Variants in KLHL1 observed in about 807,000 individuals in gnomAD.
KLHL1 encodes kelch-like protein 1.
Under a neutral mutation model 77.7 loss-of-function variants are expected in KLHL1, and 47 were observed. The observed-to-expected ratio is 0.60, with a 90% CI of 0.48 to 0.77. The LOEUF (loss-of-function observed/expected upper bound fraction) is 0.77, where lower values mean the gene tolerates loss of function less well. KLHL1 is among the 30% of genes least tolerant of loss of function. The pLI is 0.00. For synonymous variants in KLHL1, 360 were observed against 325.2 expected (o/e 1.11, Z -1.15); for missense variants, 925 against 910.8 (o/e 1.02, Z -0.20).
rs1888087592 is a variant in KLHL1 at position 70,107,291 on chromosome 13, C to T, written c.409G>A (p.Gly137Arg). The T allele has an allele frequency of 1.9e-6, 3 of 1,614,040 alleles. No individual in the cohort carries two copies. The highest frequency in any genetic ancestry group is 2.5e-6 in the Non-Finnish European group (3 of 1,179,992). ...EEVVPGMDFP[G>R]PHEKGLVLQE... is the part of the protein sequence containing the mutation. ...AGAACCAGCCCTTTTTCGTGTGGTCCAGGAAAGTCCATGCCTGGCACCACC... is the reference window on the plus strand; with the variant it reads ...AGAACCAGCCCTTTTTCGTGTGGTCTAGGAAAGTCCATGCCTGGCACCACC... The change falls in exon 1 of 11, where the codon GGA (glycine) becomes AGA (arginine). Residue 137 changes from glycine (G) to arginine (R), a missense_variant. Physicochemically the swap from Gly to Arg is moderately radical, Grantham distance 125. Coordinates refer to ENST00000377844, the MANE Select transcript of KLHL1 (RefSeq NM_020866.3).
intron 1 of KLHL1, among the ~76,000 whole-genome samples, chr13:69,976,476 A>G (rs1884547977): frequency 6.6e-6 from 1 of 152,060 alleles, no homozygotes; most frequent in East Asian, 1.9e-4. Flanking sequence ...TATTAATAAT[A>G]TAGACTGTTT....
intron 1 of KLHL1, among the ~76,000 whole-genome samples, chr13:70,075,802 G>C (rs1330397924): frequency 6.8e-6 from 1 of 146,078 alleles, no homozygotes; most frequent in African/African-American, 2.5e-5. Context: ...TATGTTGCAG[G>C]ATATGATTTT....
chr13:69,887,923 G>T (rs1340393810), intron 4 of KLHL1, among the ~76,000 whole-genome samples: 4 of 152,016 alleles, frequency 2.6e-5, no homozygotes, highest in African/African-American at 9.7e-5. Context: ...CACATTTTTT[G>T]GGATTTGTTA....
At chr13:69,823,143 AG>A (rs1442701878) in intron 6 of KLHL1, among the ~76,000 whole-genome samples, 1 of 152,100 alleles carries the variant, frequency 6.6e-6, no homozygotes, top group African/African-American at 2.4e-5. Flanking sequence ...TTTCAAAGTA[AG>A]GCTGCATCCA....
chr13:69,882,127 A>T (rs1881023239), intron 5 of KLHL1, among the ~76,000 whole-genome samples, 156 bp downstream of exon 5: 1 of 152,206 alleles, frequency 6.6e-6, no homozygotes, highest in Non-Finnish European at 1.5e-5. Context: ...CCATCATCAT[A>T]CATCATTTTC....
At chr13:69,971,770 C>T (rs9542139) in intron 2 of KLHL1, among the ~76,000 whole-genome samples, 42,309 of 151,782 alleles carry the variant, frequency 0.28, 6,390 homozygotes, top group East Asian at 0.41. Context: ...TCTTTAATTC[C>T]TCAAGTATAT....
chr13:69,936,987 T>C (rs1883206865), intron 4 of KLHL1, among the ~76,000 whole-genome samples: 1 of 152,162 alleles, frequency 6.6e-6, no homozygotes, highest in African/African-American at 2.4e-5. Flanking sequence ...CTGCTGCTTC[T>C]CTTCCAGCTT....
intron 1 of KLHL1, among the ~76,000 whole-genome samples, chr13:70,059,299 C>T (rs527883146): frequency 6.6e-6 from 1 of 152,090 alleles, no homozygotes; most frequent in South Asian, 2.1e-4. Flanking sequence ...TCTAGGATTA[C>T]AGCACGCATC....
chr13:70,093,762 C>T (rs1593738486), intron 1 of KLHL1, among the ~76,000 whole-genome samples: 1 of 152,028 alleles, frequency 6.6e-6, no homozygotes, highest in East Asian at 1.9e-4. Context: ...AGACCTGTGC[C>T]ACAGATGGAT....
chr13:69,803,072 A>G (rs34547829), intron 6 of KLHL1: 2 of 152,188 alleles, frequency 1.3e-5, no homozygotes. Context: ...AAGAGAATTC[A>G]TGATATGTAT....
chr13:69,964,612 T>C (rs1219076322), intron 2 of KLHL1, among the ~76,000 whole-genome samples: 2 of 152,138 alleles, frequency 1.3e-5, no homozygotes, highest in Non-Finnish European at 2.9e-5. Context: ...AGGACTCAGA[T>C]TGCATATATG....
At chr13:69,768,075 T>A (rs1431079902) in intron 7 of KLHL1, among the ~76,000 whole-genome samples, 3 of 152,218 alleles carry the variant, frequency 2.0e-5, no homozygotes, top group Non-Finnish European at 4.4e-5. Context: ...ATATTTCTTA[T>A]GTTGCACTCT....
At chr13:70,056,322 G>A (rs1233184652) in intron 1 of KLHL1, among the ~76,000 whole-genome samples, 1 of 151,950 alleles carries the variant, frequency 6.6e-6, no homozygotes, top group Admixed American at 6.6e-5. Flanking sequence ...TGAATACTGG[G>A]ACACCCAGAT....
At chr13:69,729,004 A>T (rs1237067338) in intron 8 of KLHL1, among the ~76,000 whole-genome samples, 1 of 152,074 alleles carries the variant, frequency 6.6e-6, no homozygotes, top group East Asian at 1.9e-4. Context: ...AGCTAAGAAA[A>T]TTTTTTAAAA....
At chr13:70,067,639 C>T (rs1398866196) in intron 1 of KLHL1, among the ~76,000 whole-genome samples, 1 of 149,652 alleles carries the variant, frequency 6.7e-6, no homozygotes, top group South Asian at 2.1e-4. Flanking sequence ...ATTTTGACAA[C>T]AACAACAACA....
intron 1 of KLHL1, among the ~76,000 whole-genome samples, chr13:70,019,030 T>C (rs889658088): frequency 6.6e-6 from 1 of 152,220 alleles, no homozygotes; most frequent in Non-Finnish European, 1.5e-5. Context: ...TTTTATGTTG[T>C]TGATCATTTA....
At chr13:69,940,379 G>A (rs895993803) in intron 3 of KLHL1, 143 bp from the exon 4 acceptor site, 3 of 559,214 alleles carry the variant, frequency 5.4e-6, no homozygotes, top group Middle Eastern at 4.8e-4. Context: ...ACTCGGTAAA[G>A]GTCACCAATT....
At chr13:70,039,214 G>T (rs1296455931) in intron 1 of KLHL1, among the ~76,000 whole-genome samples, 1 of 151,856 alleles carries the variant, frequency 6.6e-6, no homozygotes, top group African/African-American at 2.4e-5. Context: ...GACTACAGGT[G>T]CACACCAGCA....
At chr13:69,828,738 C>A (rs1457862513) in intron 6 of KLHL1, among the ~76,000 whole-genome samples, 1 of 150,130 alleles carries the variant, frequency 6.7e-6, no homozygotes, top group African/African-American at 2.5e-5. Context: ...ATAAGGCTGG[C>A]CTTGCTGGCT....
Sources: allele counts gnomAD v4.1 joint callset (sites outside exome capture counted in the v4.1 genomes callset), GRCh38; gene constraint gnomAD v4.1.1; transcripts MANE v1.5; gene names NCBI Gene and HGNC (gene_info 2026-07-23, HGNC 2026-07-21).